NRXN2: variants seen among roughly 807,000 people sequenced by gnomAD.
NRXN2 encodes the protein neurexin-2-beta.
Under a neutral mutation model 128.8 loss-of-function variants are expected in NRXN2, and 29 were observed. That is an observed-to-expected ratio of 0.23 (90% CI 0.17 to 0.31). NRXN2 has a LOEUF of 0.31. NRXN2 is among the 10% of genes least tolerant of loss of function. The pLI, the probability that NRXN2 is intolerant of heterozygous loss-of-function variation, is 1.00. For synonymous variants in NRXN2, 1,098 were observed against 1,075.2 expected (o/e 1.02, Z -0.41); for missense variants, 1,881 against 2,452.6 (o/e 0.77, Z 4.92).
At position 64,631,015 on chromosome 11, in the gene NRXN2, C is replaced by T. The variant is rs907830265; in HGVS notation, c.3586-442G>A. Among the ~76,000 whole-genome samples the T allele has an allele frequency of 2.2e-4, 33 of 152,228 alleles. No homozygotes were observed. Among genetic ancestry groups the T allele is most frequent in the Non-Finnish European group, 3.5e-4 (24 of 68,036 alleles). On this transcript the variant is annotated intron_variant, in intron 18 of 22. Coordinates refer to ENST00000265459, the MANE Select transcript of NRXN2 (RefSeq NM_015080.4). This position sits in a 1 kb window ranked among gnomAD's most constrained non-coding sequence, Gnocchi z 4.8. ...GCCAGAGGAAGGTCTGACCCCCAGC[C>T]CCTCCCCAGTCCCCAGTCTCCAGCC...
rs1020236592 is a variant in NRXN2 at position 64,660,141 on chromosome 11, G to A, written c.2389+191C>T. Among the ~76,000 whole-genome samples the A allele has an allele frequency of 1.3e-5, 2 of 152,104 alleles. No homozygotes were observed. Among genetic ancestry groups the A allele is most frequent in the East Asian group, 1.9e-4 (1 of 5,186 alleles). ...ACAGTGTCGTCGAGCATGGAATGTC[G>A]CCCTACACTGTGCGTCCTCACCAGG... On this transcript the variant is annotated intron_variant, in intron 11 of 22. Transcript: ENST00000265459. The surrounding 1 kb of genome is among the most constrained non-coding windows in gnomAD (Gnocchi z 5.2).
chr11:64,637,925 G>C (rs1262540367), intron 17 of NRXN2, among the ~76,000 whole-genome samples: 1 of 152,216 alleles, frequency 6.6e-6, no homozygotes. Flanking sequence ...TGAGGCAGGA[G>C]GGATCAGAGG....
chr11:64,633,179 T>C (rs1181031809), intron 18 of NRXN2, among the ~76,000 whole-genome samples: 1 of 152,210 alleles, frequency 6.6e-6, no homozygotes, highest in Admixed American at 6.5e-5. Flanking sequence ...TTCACAACTG[T>C]TGGGAGAGAA....
intron 22 of NRXN2, among the ~76,000 whole-genome samples, chr11:64,609,006 G>A (rs555210635): frequency 1.3e-5 from 2 of 152,220 alleles, no homozygotes; most frequent in African/African-American, 2.4e-5. Flanking sequence ...CACGGGAGGC[G>A]AGACATCGAA....
rs1308166005 is a variant in NRXN2, at chr11:64,650,730, G to A, written c.2919-92C>T. 26 of 1,244,034 alleles carry A rather than the reference G, an allele frequency of 2.1e-5. 1 individual carries two copies. In the East Asian group the frequency reaches 6.1e-4, roughly 29 times the overall value. 77.1% of individuals were successfully genotyped at this position (1,244,034 alleles called of 1,614,324 possible). A position where few individuals can be genotyped will look rare whatever the true frequency, so the allele number is the denominator to read the frequency against. On this transcript the variant is annotated intron_variant, in intron 14 of 22. Coordinates refer to ENST00000265459, the MANE Select transcript of NRXN2 (RefSeq NM_015080.4). ...GGAGCTATGGCTGGCAGGGGTCCTA[G>A]GTGCCATGGGAAGAGGGATTGAAAG...
intron 19 of NRXN2, among the ~76,000 whole-genome samples, chr11:64,629,288 C>A (rs921922756): frequency 6.6e-6 from 1 of 152,170 alleles, no homozygotes; most frequent in African/African-American, 2.4e-5. Context: ...CTCACCATCT[C>A]TGTGTTTCTG....
In NRXN2 at chr11:64,623,532, T is replaced by G. The variant is rs2042670584; in HGVS notation, c.3848-454A>C. ...CCATGGAGCCCCTGGAAGAGGCAGA[T>G]AGAGGAGACAAAGAGGCAGAGACAG... is the stretch of plus-strand genomic sequence containing the variant. On this transcript the variant is annotated intron_variant, in intron 20 of 22. Coordinates refer to ENST00000265459, the MANE Select transcript of NRXN2 (RefSeq NM_015080.4). This position sits in a 1 kb window ranked among gnomAD's most constrained non-coding sequence, Gnocchi z 4.9. 4.8e-6 allele frequency: 1 copy of G among 210,446 alleles called. No homozygotes were observed. The highest frequency in any genetic ancestry group is 9.7e-6 in the Non-Finnish European group (1 of 102,760). 13.0% of individuals were successfully genotyped at this position (210,446 alleles called of 1,614,324 possible). A position where few individuals can be genotyped will look rare whatever the true frequency, so the allele number is the denominator to read the frequency against.
chr11:64,627,139 C>A (rs1286865193), intron 19 of NRXN2, among the ~76,000 whole-genome samples: 1 of 152,084 alleles, frequency 6.6e-6, no homozygotes, highest in Non-Finnish European at 1.5e-5. Flanking sequence ...AGCTTCCCCT[C>A]AATTTCCACC....
rs1160619892 is a variant in NRXN2 at position 64,668,622 on chromosome 11, G to A, written c.1198-18C>T. ...ATGGTCACCTGTCCAGCCCAGGAGG[G>A]AGGGAGAAAGACAGGAGACAACCAA... On this transcript the variant is annotated intron_variant, in intron 7 of 22. Coordinates refer to ENST00000265459, the MANE Select transcript of NRXN2 (RefSeq NM_015080.4). The A allele has an allele frequency of 6.2e-7, 1 of 1,612,662 alleles. No individual in the cohort carries two copies. The highest frequency in any genetic ancestry group is 1.1e-5 in the South Asian group (1 of 91,078).
intron 5 of NRXN2, among the ~76,000 whole-genome samples, chr11:64,690,188 T>A (rs2053609012): frequency 6.6e-6 from 1 of 152,234 alleles, no homozygotes; most frequent in South Asian, 2.1e-4. Context: ...TCAGAACAAC[T>A]GGGCTTTGCG....
In NRXN2 at chr11:64,607,027, G is replaced by A. The variant is rs1481744741; in HGVS notation, c.*169C>T. The stretch of plus-strand genomic sequence containing the variant: ...GCCGCGCAGTGGACGGCAGGAGGAA[G>A]GGGGCGAGCACGGGGTTTTTCCTTT... On this transcript the variant is annotated 3_prime_UTR_variant, in exon 23 of 23. Transcript: ENST00000265459. The A allele has an allele frequency of 5.7e-6, 4 of 703,718 alleles. No individual in the cohort carries two copies. The highest frequency in any genetic ancestry group is 2.7e-5 in the East Asian group (1 of 36,612). 43.6% of individuals were successfully genotyped at this position (703,718 alleles called of 1,614,324 possible).
intron 19 of NRXN2, among the ~76,000 whole-genome samples, chr11:64,627,926 C>T (rs565130518): frequency 1.1e-3 from 164 of 152,288 alleles, no homozygotes; most frequent in Non-Finnish European, 1.7e-3. Context: ...TGTACACCTC[C>T]CATGAAGGTA....
intron 2 of NRXN2, among the ~76,000 whole-genome samples, chr11:64,709,792 G>C (rs558164477): frequency 1.8e-4 from 28 of 151,810 alleles, no homozygotes; most frequent in African/African-American, 6.3e-4. Context: ...TTACCACAAA[G>C]CACTGCTCTC....
At chr11:64,673,702 GTTTGTTTTAGAGATAGGGTGTT>G (rs2050923572) in intron 7 of NRXN2, among the ~76,000 whole-genome samples, 1 of 151,678 alleles carries the variant, frequency 6.6e-6, no homozygotes, top group African/African-American at 2.4e-5. Flanking sequence ...GTGTGTGTGT[GTTTGTTTTAGAGATAGGGTGTT>G]TGTTTGTTTG....
intron 4 of NRXN2, among the ~76,000 whole-genome samples, chr11:64,691,705 G>A (rs989789811): frequency 6.6e-6 from 1 of 152,064 alleles, no homozygotes; most frequent in African/African-American, 2.4e-5. Context: ...ACCAACCAGG[G>A]TTCCTACTCC....
rs550417419 is a variant in NRXN2 at position 64,630,291 on chromosome 11, G to T, written c.3757+111C>A. 2.9e-6 allele frequency: 3 copies of T among 1,040,762 alleles called. No homozygotes were observed. Among genetic ancestry groups the T allele is most frequent in the Non-Finnish European group, 2.7e-6 (2 of 740,018 alleles). The allele number at this position is 1,040,762 out of a possible 1,614,324, so 64.5% of individuals were successfully genotyped here. A position where few individuals can be genotyped will look rare whatever the true frequency, so the allele number is the denominator to read the frequency against. The stretch of plus-strand genomic sequence containing the variant: ...TCTCCAGTAGCCCCGCCCCAGAGCC[G>T]CTTAGCCCCGCCCCAGAGCCGCTTA... On this transcript the variant is annotated intron_variant, in intron 19 of 22. Transcript: ENST00000265459. This position sits in a 1 kb window ranked among gnomAD's most constrained non-coding sequence, Gnocchi z 4.6.
At chr11:64,688,676 G>A (rs55908299) in intron 5 of NRXN2, 58,607 of 985,324 alleles carry the variant, frequency 0.059, 1,931 homozygotes, top group Non-Finnish European at 0.065. Flanking sequence ...GAGAAAGGAA[G>A]ATAATAGCTG....
intron 17 of NRXN2, chr11:64,642,609 G>A: frequency 6.2e-7 from 1 of 1,610,378 alleles, no homozygotes; most frequent in Non-Finnish European, 8.5e-7. Flanking sequence ...TGCTGTGGAA[G>A]TGGTGGACGT....
intron 6 of NRXN2, among the ~76,000 whole-genome samples, chr11:64,685,254 A>C (rs1592102391): frequency 6.6e-6 from 1 of 150,498 alleles, no homozygotes; most frequent in African/African-American, 2.5e-5. Flanking sequence ...ACCCCTCCCC[A>C]CCCCCTGGCA....
Sources: allele counts gnomAD v4.1 joint callset (sites outside exome capture counted in the v4.1 genomes callset), GRCh38; gene constraint gnomAD v4.1.1; non-coding constraint Gnocchi (gnomAD v3.1); transcripts MANE v1.5; gene names NCBI Gene and HGNC (gene_info 2026-07-23, HGNC 2026-07-21).